CLIP2: variants seen among roughly 807,000 people sequenced by gnomAD.
The protein encoded by CLIP2 is CAP-Gly domain containing linker protein 2.
Under a neutral mutation model 111.7 loss-of-function variants are expected in CLIP2, and 41 were observed. The ratio of observed to expected loss-of-function variants is 0.37; its 90% CI spans 0.29 to 0.48. The LOEUF is 0.48. Among genes scored for constraint, CLIP2 ranks in the 20% least tolerant of loss-of-function variants. CLIP2 has a pLI of 0.99. For synonymous variants in CLIP2, 660 were observed against 644.2 expected (o/e 1.02, Z -0.37); for missense variants, 1,160 against 1,422.1 (o/e 0.82, Z 2.96).
intron 1 of CLIP2, among the ~76,000 whole-genome samples, chr7:74,296,933 C>T (rs1261423936): frequency 2.0e-5 from 3 of 152,210 alleles, no homozygotes; most frequent in Non-Finnish European, 4.4e-5. Flanking sequence ...ACAGCCATAG[C>T]AGACTAATAT....
chr7:74,303,594 A>ATTT (rs782240875), intron 1 of CLIP2, among the ~76,000 whole-genome samples: 3 of 105,616 alleles, frequency 2.8e-5, no homozygotes, highest in African/African-American at 9.9e-5. Context: ...TGTGTCTCTT[A>ATTT]TTTTTTTTTT....
intron 10 of CLIP2, 176 bp from the exon 11 acceptor site, chr7:74,380,630 A>T: frequency 1.9e-6 from 1 of 522,846 alleles, no homozygotes; most frequent in South Asian, 3.2e-5. Context: ...GTTGTCAGGG[A>T]GGTCCGACTG....
chr7:74,311,067 C>A (rs971486843), intron 1 of CLIP2, among the ~76,000 whole-genome samples: 1 of 151,472 alleles, frequency 6.6e-6, no homozygotes, highest in Non-Finnish European at 1.5e-5. Flanking sequence ...GCAAGCTCTG[C>A]CCCCTGGGTT....
At chr7:74,333,092 C>T (rs782445485) in intron 2 of CLIP2, among the ~76,000 whole-genome samples, 11 of 152,208 alleles carry the variant, frequency 7.2e-5, no homozygotes, top group Non-Finnish European at 1.5e-4. Flanking sequence ...CCTTGTCATG[C>T]TTTGAACTTG....
At position 74,364,280 on chromosome 7, in the gene CLIP2, G is replaced by C; in HGVS notation, c.1345G>C (p.Val449Leu). The C allele has an allele frequency of 6.2e-7, 1 of 1,613,774 alleles. No homozygotes were observed. Among genetic ancestry groups the C allele is most frequent in the Non-Finnish European group, 8.5e-7 (1 of 1,179,888 alleles). The change falls in exon 8 of 17, where the codon GTG becomes CTG. Residue 449 changes from valine to leucine, a missense_variant. Coordinates refer to ENST00000223398, the MANE Select transcript of CLIP2 (RefSeq NM_003388.5). The stretch of plus-strand genomic sequence containing the variant: ...GAAGGTGGAGGATCTGCAGTTCCGC[G>C]TGGAGGAGGAGTCCATCACCAAGGG... ...RRKVEDLQFR[V>L]EEESITKGDL...
intron 1 of CLIP2, among the ~76,000 whole-genome samples, chr7:74,291,413 G>A (rs782000751): frequency 6.6e-6 from 1 of 152,216 alleles, no homozygotes. Context: ...CTACCTTGGC[G>A]GTGAAGAGTT....
intron 1 of CLIP2, among the ~76,000 whole-genome samples, chr7:74,316,761 C>T (rs1788784489): frequency 1.3e-5 from 2 of 152,138 alleles, no homozygotes; most frequent in Non-Finnish European, 2.9e-5. Context: ...AGGGTTTCAC[C>T]ATGTTGGCCA....
intron 8 of CLIP2, chr7:74,364,646 C>T (rs1270506020): frequency 1.3e-5 from 5 of 385,056 alleles, no homozygotes; most frequent in South Asian, 6.5e-5. Flanking sequence ...GGTGCCCCTT[C>T]GTTCATCTTG....
intron 1 of CLIP2, among the ~76,000 whole-genome samples, chr7:74,315,425 G>A (rs1025350180): frequency 1.3e-5 from 2 of 149,872 alleles, no homozygotes; most frequent in Non-Finnish European, 1.5e-5. Flanking sequence ...TTTATTATTT[G>A]TAGAGAACAG....
At chr7:74,327,084 A>C (rs1260569478) in intron 2 of CLIP2, among the ~76,000 whole-genome samples, 1 of 151,932 alleles carries the variant, frequency 6.6e-6, no homozygotes, top group Non-Finnish European at 1.5e-5. Flanking sequence ...CTGCTTCAGG[A>C]AAGTTTGGCA....
At chr7:74,375,090 A>T (rs1554312513) in intron 9 of CLIP2, among the ~76,000 whole-genome samples, 1 of 152,134 alleles carries the variant, frequency 6.6e-6, no homozygotes, top group African/African-American at 2.4e-5. Flanking sequence ...AAATACAAAG[A>T]ACTTTAACTC....
rs1364944979 is a variant in CLIP2 at position 74,364,414 on chromosome 7, C to G, written c.1380+99C>G. On this transcript the variant is annotated intron_variant, in intron 8 of 16. Transcript: ENST00000223398. ...AGGTCCAGCAGCACCTCTAGGCCCCCCCGGGGAAGGGGCTGGGGGGGAAAA... is the reference window on the plus strand; with the variant it reads ...AGGTCCAGCAGCACCTCTAGGCCCCGCCGGGGAAGGGGCTGGGGGGGAAAA... 6 of 1,056,316 alleles carry G rather than the reference C, an allele frequency of 5.7e-6. No homozygotes were observed. In the Admixed American group the frequency reaches 8.8e-5, roughly 15 times the overall value. The allele number at this position is 1,056,316 out of a possible 1,614,324, so 65.4% of individuals were successfully genotyped here. A position where few individuals can be genotyped will look rare whatever the true frequency, so the allele number is the denominator to read the frequency against.
chr7:74,336,880 T>A (rs56327656), intron 2 of CLIP2, among the ~76,000 whole-genome samples: 1 of 141,310 alleles, frequency 7.1e-6, no homozygotes, highest in Admixed American at 7.1e-5. Context: ...TTTTTGTTTT[T>A]TTTTGTTTTG....
chr7:74,403,765 G>A (rs1791689233), intron 16 of CLIP2, 72 bp from the exon 17 acceptor site: 1 of 1,550,166 alleles, frequency 6.5e-7, no homozygotes. Context: ...TTTCCTCCCT[G>A]ACTCCCCTCT....
intron 9 of CLIP2, among the ~76,000 whole-genome samples, chr7:74,375,346 C>T (rs114282450): frequency 0.01 from 1,556 of 151,488 alleles, 27 homozygotes; most frequent in African/African-American, 0.036. Context: ...GCTAGGAGTT[C>T]GAGACCAGCC....
chr7:74,323,528 A>G (rs1347286272), intron 2 of CLIP2, among the ~76,000 whole-genome samples: 1 of 151,498 alleles, frequency 6.6e-6, no homozygotes, highest in Non-Finnish European at 1.5e-5. Context: ...CCTGGGTTCA[A>G]GCAATTCTCC....
chr7:74,337,208 C>G (rs1308824577), intron 2 of CLIP2, among the ~76,000 whole-genome samples: 1 of 152,030 alleles, frequency 6.6e-6, no homozygotes, highest in Non-Finnish European at 1.5e-5. Context: ...TTTCCGGGGT[C>G]TGTGGACCCT....
chr7:74,325,256 C>T (rs1789077916), intron 2 of CLIP2, among the ~76,000 whole-genome samples: 1 of 152,130 alleles, frequency 6.6e-6, no homozygotes, highest in Non-Finnish European at 1.5e-5. Context: ...GAGGGTCTCT[C>T]ACGCTAGGAG....
At chr7:74,364,401 A>T (rs1790418220) in intron 8 of CLIP2, 86 bp downstream of exon 8, 3 of 1,188,528 alleles carry the variant, frequency 2.5e-6, no homozygotes, top group Non-Finnish European at 3.7e-6. Flanking sequence ...GTCCAGCAGC[A>T]CCTCTAGGCC....
Sources: allele counts gnomAD v4.1 joint callset (sites outside exome capture counted in the v4.1 genomes callset), GRCh38; gene constraint gnomAD v4.1.1; transcripts MANE v1.5; gene names NCBI Gene and HGNC (gene_info 2026-07-23, HGNC 2026-07-21).